ADGB: variants seen among roughly 807,000 people sequenced by gnomAD.
The protein encoded by ADGB is calpain-7-like protein.
A neutral mutation model predicts 210.5 loss-of-function variants in ADGB; 172 were observed. The observed-to-expected ratio is 0.82, with a 90% CI of 0.72 to 0.93. The LOEUF (loss-of-function observed/expected upper bound fraction) is 0.93. ADGB is among the 40% of genes least tolerant of loss of function. The pLI, the probability that ADGB is intolerant of heterozygous loss-of-function variation, is 0.00. For synonymous variants in ADGB, 658 were observed against 662.7 expected (o/e 0.99, Z 0.11); for missense variants, 2,025 against 1,964.8 (o/e 1.03, Z -0.58).
intron 29 of ADGB, among the ~76,000 whole-genome samples, chr6:146,776,228 T>C (rs1424533734): frequency 2.0e-5 from 3 of 152,166 alleles, no homozygotes; most frequent in African/African-American, 7.2e-5. Context: ...TACATAAATA[T>C]GCAATGTGAA....
intron 1 of ADGB, among the ~76,000 whole-genome samples, chr6:146,619,214 T>C (rs1398200264): frequency 6.6e-6 from 1 of 152,066 alleles, no homozygotes; most frequent in Non-Finnish European, 1.5e-5. Flanking sequence ...GGTTTTTATT[T>C]GTGGGAATAT....
intron 29 of ADGB, among the ~76,000 whole-genome samples, chr6:146,780,580 A>G (rs368752454): frequency 3.2e-4 from 49 of 152,312 alleles, no homozygotes; most frequent in African/African-American, 1.2e-3. Flanking sequence ...GTCTAAGATG[A>G]AAAATGTTAA....
intron 1 of ADGB, among the ~76,000 whole-genome samples, chr6:146,604,475 G>T (rs1018552110): frequency 6.6e-6 from 1 of 151,802 alleles, no homozygotes; most frequent in Middle Eastern, 3.2e-3. Context: ...ATGTATGAAG[G>T]CTTTTGGTCT....
At chr6:146,618,431 T>C (rs1780836011) in intron 1 of ADGB, among the ~76,000 whole-genome samples, 1 of 152,074 alleles carries the variant, frequency 6.6e-6, no homozygotes, top group Non-Finnish European at 1.5e-5. Context: ...TGTTCTTGCC[T>C]TTCTAGTTCC....
chr6:146,692,981 A>G (rs767911709), intron 12 of ADGB, 66 bp downstream of exon 12: 20 of 871,812 alleles, frequency 2.3e-5, no homozygotes, highest in African/African-American at 3.4e-5. Flanking sequence ...GTGTCTGGCT[A>G]AAGATAACAC....
At chr6:146,715,169 C>G (rs1400967530) in intron 13 of ADGB, among the ~76,000 whole-genome samples, 2 of 152,166 alleles carry the variant, frequency 1.3e-5, no homozygotes, top group Admixed American at 1.3e-4. Flanking sequence ...CTTAATGTGA[C>G]AAGCTTAAAT....
chr6:146,676,316 A>G lies in ADGB; in HGVS notation c.1091A>G (p.Lys364Arg), dbSNP rs763439448. The G allele has an allele frequency of 6.5e-7, 1 of 1,542,130 alleles. No individual in the cohort carries two copies. Residue 364 changes from lysine to arginine, a missense_variant, in exon 9 of 36, where the codon AAA (lysine) becomes AGA (arginine). Coordinates refer to ENST00000397944, the MANE Select transcript of ADGB (RefSeq NM_024694.4). ...PEKSDKVPKE[K>R]ADARDIGKKR... ...TTGTGATTTTTTCATATGTTAGAGA[A>G]AGCAGATGCAAGAGACATTGGAAAG... is the stretch of plus-strand genomic sequence containing the variant.
Position 146,684,502 on chromosome 6 carries a change from G to A in ADGB, c.1217-1232G>A, listed in dbSNP as rs148456177. Among the ~76,000 whole-genome samples, 12 of 151,962 alleles carry A rather than the reference G, an allele frequency of 7.9e-5. No homozygotes were observed. The East Asian group carries it at 2.3e-3, about 29-fold the overall frequency. ...GCTGAGGGCCATTCTGGTCAATGTG[G>A]GTATCTCAAATGGTCTTATCTGATG... On this transcript the variant is annotated intron_variant, in intron 9 of 35. Coordinates refer to ENST00000397944, the MANE Select transcript of ADGB (RefSeq NM_024694.4).
intron 12 of ADGB, 69 bp downstream of exon 12, chr6:146,692,984 G>A (rs1776352886): frequency 2.4e-6 from 2 of 848,862 alleles, no homozygotes; most frequent in African/African-American, 3.5e-5. Flanking sequence ...TCTGGCTAAA[G>A]ATAACACCAA....
At chr6:146,647,088 C>CAAAAAAA (rs780260770) in intron 3 of ADGB, among the ~76,000 whole-genome samples, 3 of 110,778 alleles carry the variant, frequency 2.7e-5, no homozygotes, top group African/African-American at 1.0e-4. Flanking sequence ...GAGCCTGTCT[C>CAAAAAAA]AAAAAAAAAC....
At chr6:146,608,975 G>T (rs527838770) in intron 1 of ADGB, among the ~76,000 whole-genome samples, 2 of 152,228 alleles carry the variant, frequency 1.3e-5, no homozygotes, top group Admixed American at 6.5e-5. Context: ...GGGTGTTAAG[G>T]TCTCCCAGTA....
chr6:146,696,526 T>A (rs559686680), intron 12 of ADGB, among the ~76,000 whole-genome samples: 1 of 152,280 alleles, frequency 6.6e-6, no homozygotes, highest in East Asian at 1.9e-4. Context: ...CACAGAGGAT[T>A]AACTAGAAAG....
chr6:146,691,458 A>AT (rs1491537728), intron 11 of ADGB, among the ~76,000 whole-genome samples, 168 bp downstream of exon 11: 14 of 45,668 alleles, frequency 3.1e-4, no homozygotes, highest in Middle Eastern at 6.5e-3. Context: ...ATATATATAT[A>AT]AAAATATATA....
At chr6:146,745,714 CAG>C (rs1392355312) in intron 25 of ADGB, among the ~76,000 whole-genome samples, 1 of 152,088 alleles carries the variant, frequency 6.6e-6, no homozygotes, top group East Asian at 1.9e-4. Context: ...AGGAAAATAT[CAG>C]AGTTTATTAT....
intron 9 of ADGB, among the ~76,000 whole-genome samples, chr6:146,682,755 A>G (rs544543208): frequency 6.6e-6 from 1 of 152,320 alleles, no homozygotes; most frequent in Non-Finnish European, 1.5e-5. Context: ...ACATATTTAC[A>G]GAGAGATAAT....
chr6:146,691,215 C>A lies in ADGB; in HGVS notation c.1411C>A (p.Pro471Thr). The A allele has an allele frequency of 6.5e-7, 1 of 1,548,760 alleles. No homozygotes were observed. Among genetic ancestry groups the A allele is most frequent in the Non-Finnish European group, 8.7e-7 (1 of 1,146,210 alleles). Residue 471 changes from proline (P) to threonine (T), a missense_variant, in exon 11 of 36, where the codon CCA becomes ACA. Physicochemically the swap from Pro to Thr is conservative, Grantham distance 38 (BLOSUM62 -1). Coordinates refer to ENST00000397944, the MANE Select transcript of ADGB (RefSeq NM_024694.4). The part of the protein sequence containing the change: ...RSRSCPLVAP[P>T]KPPPLPPWKL... The stretch of plus-strand genomic sequence containing the variant: ...TAGGTCTTGTCCTCTGGTAGCACCA[C>A]CAAAACCACCTCCTCTACCTCCCTG...
intron 5 of ADGB, among the ~76,000 whole-genome samples, chr6:146,663,699 T>C (rs1176774103): frequency 6.6e-6 from 1 of 152,108 alleles, no homozygotes; most frequent in Admixed American, 6.6e-5. Flanking sequence ...TCTGGCTTAT[T>C]TCTCTGTGGT....
intron 13 of ADGB, among the ~76,000 whole-genome samples, chr6:146,702,323 G>C (rs1776502334): frequency 2.6e-5 from 4 of 151,776 alleles, no homozygotes; most frequent in Admixed American, 2.6e-4. Flanking sequence ...TTGCTAATGT[G>C]GTGGGTATAA....
chr6:146,812,719 A>C lies in ADGB; in HGVS notation c.4819-2313A>C, dbSNP rs186679238. On this transcript the variant is annotated intron_variant, in intron 35 of 35. Coordinates refer to ENST00000397944, the MANE Select transcript of ADGB (RefSeq NM_024694.4). ...GTGAAATCTAACAGACTTTAGTTTT[A>C]GGTGCTAGATTTGGATTGCAGATCT... Among the ~76,000 whole-genome samples, 481 of 151,814 alleles carry C rather than the reference A, an allele frequency of 3.2e-3. 1 individual carries two copies. Among genetic ancestry groups the C allele is most frequent in the Admixed American group, 5.8e-3 (89 of 15,214 alleles).
Sources: gnomAD v4.1 joint callset for allele counts (sites outside exome capture counted in the v4.1 genomes callset) on GRCh38, gnomAD v4.1.1 for gene constraint, MANE v1.5 for transcripts, NCBI Gene and HGNC (gene_info 2026-07-23, HGNC 2026-07-21) for gene names.